Variants in ADGRL3 observed in about 807,000 individuals in gnomAD.
ADGRL3 encodes adhesion G protein-coupled receptor L3.
ADGRL3 carries 62 observed loss-of-function variants against 153.5 expected under a neutral mutation model. The ratio of observed to expected loss-of-function variants is 0.40; its 90% CI spans 0.33 to 0.50. The LOEUF (loss-of-function observed/expected upper bound fraction) is 0.50. Ranked by LOEUF, ADGRL3 falls within the 20% of genes least tolerant of loss-of-function variation. The pLI is 0.47. For synonymous variants in ADGRL3, 710 were observed against 672.5 expected (o/e 1.06, Z -0.86); for missense variants, 1,641 against 1,859.4 (o/e 0.88, Z 2.16).
chr4:62,007,437 T>C (rs1458733277), intron 21 of ADGRL3, among the ~76,000 whole-genome samples: 3 of 130,064 alleles, frequency 2.3e-5, no homozygotes, highest in African/African-American at 9.3e-5. Flanking sequence ...TATATATATA[T>C]ATACACACAC....
intron 8 of ADGRL3, among the ~76,000 whole-genome samples, chr4:61,777,216 C>A (rs1051592953): frequency 1.3e-5 from 2 of 152,048 alleles, no homozygotes; most frequent in African/African-American, 4.8e-5. Context: ...ACCTGTAGAA[C>A]CAGCTACTCG....
At chr4:61,927,667 T>G (rs1284972019) in intron 13 of ADGRL3, among the ~76,000 whole-genome samples, 1 of 152,138 alleles carries the variant, frequency 6.6e-6, no homozygotes, top group Non-Finnish European at 1.5e-5. Flanking sequence ...AACCTGCAAG[T>G]TATAAACTGT....
At chr4:61,351,710 G>A (rs980620310) in intron 1 of ADGRL3, among the ~76,000 whole-genome samples, 2 of 151,492 alleles carry the variant, frequency 1.3e-5, no homozygotes, top group South Asian at 2.1e-4. Context: ...TGTTTACTGA[G>A]TATTTTAAGC....
At chr4:61,798,878 AGTGCTGG>A (rs1170553348) in intron 8 of ADGRL3, among the ~76,000 whole-genome samples, 1 of 151,004 alleles carries the variant, frequency 6.6e-6, no homozygotes, top group Non-Finnish European at 1.5e-5. Flanking sequence ...AGCCTCCCAA[AGTGCTGG>A]GATCATAGGC....
In ADGRL3 at chr4:61,255,957, C is replaced by T. The variant is rs370590064; in HGVS notation, c.-240+54192C>T. 2.0e-4 allele frequency among the ~76,000 whole-genome samples: 30 copies of T among 152,240 alleles called. No individual in the cohort carries two copies. In the East Asian group the frequency reaches 2.1e-3, roughly 11 times the overall value. ...TGCAAAGTGAATATGCATGTGTCTGCGTCAGCCTGCAGTCTTCTGGCCCCT... is the reference window on the plus strand; with the variant it reads ...TGCAAAGTGAATATGCATGTGTCTGTGTCAGCCTGCAGTCTTCTGGCCCCT... On this transcript the variant is annotated intron_variant, in intron 1 of 26. Transcript: ENST00000683033.
intron 6 of ADGRL3, among the ~76,000 whole-genome samples, chr4:61,693,734 A>C (rs1186593240): frequency 6.6e-6 from 1 of 152,158 alleles, no homozygotes; most frequent in African/African-American, 2.4e-5. Flanking sequence ...TATTTAATTA[A>C]ATTTTCCAAT....
chr4:61,304,578 G>A (rs1241150404), intron 1 of ADGRL3, among the ~76,000 whole-genome samples: 2 of 152,022 alleles, frequency 1.3e-5, no homozygotes, highest in Admixed American at 6.6e-5. Flanking sequence ...TCCCTTTCTG[G>A]TGTTTGTTTT....
chr4:61,677,323 T>C (rs1192996013), intron 6 of ADGRL3: 1 of 359,692 alleles, frequency 2.8e-6, no homozygotes, highest in Non-Finnish European at 5.2e-6. Context: ...TTGAATTTGA[T>C]AGAATTGTAT....
intron 23 of ADGRL3, among the ~76,000 whole-genome samples, chr4:62,036,063 T>C (rs2151568231): frequency 6.6e-6 from 1 of 152,182 alleles, no homozygotes; most frequent in Middle Eastern, 3.4e-3. Flanking sequence ...GACTGACTTG[T>C]AAACACTAAA....
At chr4:61,223,783 T>C (rs1332654281) in intron 1 of ADGRL3, among the ~76,000 whole-genome samples, 3 of 152,198 alleles carry the variant, frequency 2.0e-5, no homozygotes, top group Non-Finnish European at 4.4e-5. Context: ...AACGACAATA[T>C]AGAAGCAAGC....
At chr4:61,807,992 A>G (rs1025644947) in intron 8 of ADGRL3, among the ~76,000 whole-genome samples, 1 of 152,022 alleles carries the variant, frequency 6.6e-6, no homozygotes, top group African/African-American at 2.4e-5. Context: ...TGTGATCTGT[A>G]GGCATCCACT....
rs536195626 is a variant in ADGRL3 at position 61,237,404 on chromosome 4, G to A, written c.-240+35639G>A. Among the ~76,000 whole-genome samples the A allele has an allele frequency of 2.6e-5, 4 of 152,260 alleles. No homozygotes were observed. In the South Asian group the frequency reaches 8.3e-4, roughly 32 times the overall value. ...TTTGCTGTATTATGCTACACAGTGA[G>A]AAGATTTCTGTTAGTCCTTATTCTT... On this transcript the variant is annotated intron_variant, in intron 1 of 26. Transcript: ENST00000683033.
intron 8 of ADGRL3, among the ~76,000 whole-genome samples, chr4:61,774,455 A>T (rs1189242556): frequency 5.9e-5 from 9 of 152,022 alleles, no homozygotes; most frequent in Non-Finnish European, 1.2e-4. Flanking sequence ...GAAAAACAAT[A>T]CAGTATAACA....
intron 9 of ADGRL3, among the ~76,000 whole-genome samples, chr4:61,818,724 C>T (rs1265093807): frequency 6.6e-6 from 1 of 152,036 alleles, no homozygotes; most frequent in Non-Finnish European, 1.5e-5. Flanking sequence ...AAATGGTTGT[C>T]CTGATAGATT....
chr4:61,721,170 G>A (rs2096237125), intron 6 of ADGRL3, among the ~76,000 whole-genome samples: 2 of 152,148 alleles, frequency 1.3e-5, no homozygotes, highest in Non-Finnish European at 2.9e-5. Context: ...TAATAGGATA[G>A]ATGTATATGT....
rs1000195768 is a variant in ADGRL3 at position 61,464,551 on chromosome 4, T to A, written c.-173-32570T>A. On this transcript the variant is annotated intron_variant, in intron 2 of 26. Transcript: ENST00000683033. Reference sequence around the variant, plus strand: ...GCATTTAATTCAGACTTTTAGAAAATTTTTTAATTAAAGTTTGAAAATCAG... The same window carrying A: ...GCATTTAATTCAGACTTTTAGAAAAATTTTTAATTAAAGTTTGAAAATCAG... Among the ~76,000 whole-genome samples, 41 of 152,144 alleles carry A rather than the reference T, an allele frequency of 2.7e-4. 1 individual carries two copies. The highest frequency in any genetic ancestry group is 9.4e-4 in the African/African-American group (39 of 41,452).
At chr4:61,691,222 C>T (rs1580302535) in intron 6 of ADGRL3, among the ~76,000 whole-genome samples, 1 of 152,178 alleles carries the variant, frequency 6.6e-6, no homozygotes, top group Admixed American at 6.5e-5. Context: ...CAAATCTTGA[C>T]ACTCGCTGCT....
At chr4:61,418,104 G>A (rs7683598) in intron 2 of ADGRL3, among the ~76,000 whole-genome samples, 142,031 of 152,208 alleles carry the variant, frequency 0.93, 67,053 homozygotes, top group East Asian at 1. Context: ...GCCAGTTTCG[G>A]TGCTCTCGCT....
chr4:61,892,868 A>G lies in ADGRL3; in HGVS notation c.1693A>G (p.Ser565Gly), dbSNP rs775138320. 90 of 1,607,152 alleles carry G rather than the reference A, an allele frequency of 5.6e-5. No homozygotes were observed. Among genetic ancestry groups the G allele is most frequent in the Non-Finnish European group, 7.5e-5 (88 of 1,177,882 alleles). ...ASSQIPALEE[S>G]CEAVEAREIM... ...GTCCCAAATCCCAGCTCTCGAAGAG[A>G]GCTGTGAGGCTGTGGAAGCCCGAGA... The change falls in exon 10 of 27, where the codon AGC becomes GGC. Residue 565 changes from serine (S) to glycine (G), a missense_variant. Ser to Gly is a moderately conservative substitution (Grantham distance 56, BLOSUM62 0). Transcript: ENST00000683033.
Sources: gnomAD v4.1 joint callset for allele counts (sites outside exome capture counted in the v4.1 genomes callset) on GRCh38, gnomAD v4.1.1 for gene constraint, MANE v1.5 for transcripts, NCBI Gene and HGNC (gene_info 2026-07-23, HGNC 2026-07-21) for gene names.